Variants in IRAK3 observed in about 807,000 individuals in gnomAD.
The protein encoded by IRAK3 is interleukin 1 receptor associated kinase 3.
IRAK3 carries 57 observed loss-of-function variants against 56.6 expected under a neutral mutation model. The ratio of observed to expected loss-of-function variants is 1.01; its 90% CI spans 0.81 to 1.26. The LOEUF (loss-of-function observed/expected upper bound fraction) is 1.26. IRAK3 is among the 50% of genes most tolerant of loss of function. The pLI is 0.00. For synonymous variants in IRAK3, 258 were observed against 255.7 expected, an observed-to-expected ratio of 1.01 and a Z score of -0.09; for missense variants, 703 against 719.0, an observed-to-expected ratio of 0.98 and a Z score of 0.25.
At chr12:66,211,847 ACG>A (rs2052615486) in intron 5 of IRAK3, among the ~76,000 whole-genome samples, 1 of 152,170 alleles carries the variant, frequency 6.6e-6, no homozygotes, top group Non-Finnish European at 1.5e-5. Flanking sequence ...GTGGTGGTTC[ACG>A]CCTGTAATCC....
At chr12:66,212,791 A>G (rs1463590757) in intron 5 of IRAK3, among the ~76,000 whole-genome samples, 8 of 152,030 alleles carry the variant, frequency 5.3e-5, no homozygotes, top group Non-Finnish European at 7.4e-5. Flanking sequence ...GAAACCAAAC[A>G]CTGCATGTTC....
intron 1 of IRAK3, among the ~76,000 whole-genome samples, chr12:66,198,373 C>T (rs1406050652): frequency 6.6e-6 from 1 of 152,232 alleles, no homozygotes; most frequent in Admixed American, 6.5e-5. Context: ...GCATTCTGGC[C>T]TTCCCTCTGC....
At chr12:66,192,724 A>T (rs2052411077) in intron 1 of IRAK3, among the ~76,000 whole-genome samples, 1 of 152,180 alleles carries the variant, frequency 6.6e-6, no homozygotes, top group Admixed American at 6.5e-5. Context: ...AGTAATAATA[A>T]TAAAGCTACC....
At chr12:66,242,112 T>C (rs888638101) in intron 8 of IRAK3, among the ~76,000 whole-genome samples, 4 of 152,182 alleles carry the variant, frequency 2.6e-5, no homozygotes, top group East Asian at 1.9e-4. Context: ...GTGTTTGACA[T>C]TGAATATCTG....
rs555821360 is a variant in IRAK3, at chr12:66,250,978, G to A, written c.*2807G>A. On this transcript the variant is annotated 3_prime_UTR_variant, in exon 12 of 12. Coordinates refer to ENST00000261233, the MANE Select transcript of IRAK3 (RefSeq NM_007199.3). ...CTTAAGGTGCTCTTAAATTGTTATA[G>A]ATTGGTAGATCCTACCTTTCCATCA... 1 of 152,216 alleles carries A rather than the reference G, an allele frequency of 6.6e-6. No individual in the cohort carries two copies. Among genetic ancestry groups the A allele is most frequent in the Admixed American group, 6.5e-5 (1 of 15,280 alleles). 9.4% of individuals were successfully genotyped at this position (152,216 alleles called of 1,614,324 possible). A position where few individuals can be genotyped will look rare whatever the true frequency, so the allele number is the denominator to read the frequency against.
rs2053083278 is a variant in IRAK3 at position 66,250,208 on chromosome 12, T to C, written c.*2037T>C. On this transcript the variant is annotated 3_prime_UTR_variant, in exon 12 of 12. Transcript: ENST00000261233. ...CATTTTCAGAGGATTTACTGAATTT[T>C]CCTCTCCAAGGAGCTTGTAATAGAA... The C allele has an allele frequency of 6.6e-6, 1 of 152,254 alleles. No individual in the cohort carries two copies. Among genetic ancestry groups the C allele is most frequent in the Admixed American group, 6.5e-5 (1 of 15,284 alleles). The allele number at this position is 152,254 out of a possible 1,614,324, so 9.4% of individuals were successfully genotyped here.
intron 1 of IRAK3, chr12:66,196,727 G>GT (rs2052456852): frequency 4.1e-6 from 1 of 244,186 alleles, no homozygotes; most frequent in Non-Finnish European, 6.6e-6. Context: ...TAACAGTCTG[G>GT]TATGAAGAAT....
At chr12:66,218,258 A>G (rs2052697491) in intron 6 of IRAK3, among the ~76,000 whole-genome samples, 1 of 152,176 alleles carries the variant, frequency 6.6e-6, no homozygotes, top group African/African-American at 2.4e-5. Context: ...CATTGTACAC[A>G]TTGCTTATTT....
chr12:66,207,869 A>G (rs1203567402), intron 2 of IRAK3, among the ~76,000 whole-genome samples: 2 of 152,162 alleles, frequency 1.3e-5, no homozygotes, highest in East Asian at 1.9e-4. Flanking sequence ...TTGTATTTCA[A>G]TATGATCAGA....
intron 1 of IRAK3, among the ~76,000 whole-genome samples, chr12:66,194,081 A>G (rs1159721438): frequency 6.6e-6 from 1 of 152,104 alleles, no homozygotes; most frequent in Non-Finnish European, 1.5e-5. Flanking sequence ...GGCACATGCC[A>G]CCACACCTGG....
intron 8 of IRAK3, among the ~76,000 whole-genome samples, chr12:66,228,628 A>T (rs143813720): frequency 6.6e-6 from 1 of 152,330 alleles, no homozygotes; most frequent in Non-Finnish European, 1.5e-5. Context: ...TAGGATAGAC[A>T]ATTCTGTGTA....
chr12:66,242,652 T>C (rs1168837893), intron 8 of IRAK3, among the ~76,000 whole-genome samples: 2 of 152,164 alleles, frequency 1.3e-5, no homozygotes, highest in Non-Finnish European at 2.9e-5. Context: ...CTTCCATAAA[T>C]GCTAAGAGCA....
chr12:66,196,808 CTTTTAAAAAATTGTCTAA>C, intron 1 of IRAK3: 1 of 1,392,296 alleles, frequency 7.2e-7, no homozygotes, highest in South Asian at 1.6e-5. Flanking sequence ...CTTAAAAGTT[CTTTTAAAAAATTGTCTAA>C]TTTTTTGCAT....
chr12:66,205,499 GTTAA>G (rs1460408314), intron 2 of IRAK3, among the ~76,000 whole-genome samples: 1 of 152,156 alleles, frequency 6.6e-6, no homozygotes, highest in Non-Finnish European at 1.5e-5. Context: ...TTTTGAAAAA[GTTAA>G]TTATGTAGTT....
intron 1 of IRAK3, 111 bp from the exon 2 acceptor site, chr12:66,203,600 G>A (rs897200083): frequency 1.1e-5 from 11 of 980,990 alleles, no homozygotes; most frequent in Non-Finnish European, 1.6e-5. Flanking sequence ...TTATAAATAA[G>A]AGGAAAGTTA....
chr12:66,228,142 C>T (rs1565807690), intron 7 of IRAK3, 110 bp from the exon 8 acceptor site: 3 of 845,028 alleles, frequency 3.6e-6, no homozygotes, highest in East Asian at 4.8e-5. Flanking sequence ...ATTCACCCAC[C>T]TCACCCCACC....
At chr12:66,232,293 G>A (rs1193416996) in intron 8 of IRAK3, among the ~76,000 whole-genome samples, 1 of 152,194 alleles carries the variant, frequency 6.6e-6, no homozygotes, top group Non-Finnish European at 1.5e-5. Flanking sequence ...ATCCATGGCT[G>A]TGGGCATTTG....
chr12:66,239,593 A>C (rs1386489798), intron 8 of IRAK3, among the ~76,000 whole-genome samples: 1 of 152,214 alleles, frequency 6.6e-6, no homozygotes, highest in East Asian at 1.9e-4. Context: ...TTCTTTAATC[A>C]GTCTCCTCCC....
At position 66,253,438 on chromosome 12, in the gene IRAK3, C is replaced by T. The variant is rs945153276; in HGVS notation, c.*5267C>T. 3.3e-5 allele frequency: 5 copies of T among 152,112 alleles called. No homozygotes were observed. Among genetic ancestry groups the T allele is most frequent in the Admixed American group, 6.5e-5 (1 of 15,276 alleles). The allele number at this position is 152,112 out of a possible 1,614,324, so 9.4% of individuals were successfully genotyped here. On this transcript the variant is annotated 3_prime_UTR_variant, in exon 12 of 12. Coordinates refer to ENST00000261233, the MANE Select transcript of IRAK3 (RefSeq NM_007199.3). ...TGTGTTTTGTATCTGTCTTCCCGTT[C>T]CAAATCATTTATATATACTTGATGG...
Sources: gnomAD v4.1 joint callset for allele counts (sites outside exome capture counted in the v4.1 genomes callset) on GRCh38, gnomAD v4.1.1 for gene constraint, MANE v1.5 for transcripts, NCBI Gene and HGNC (gene_info 2026-07-23, HGNC 2026-07-21) for gene names.